ITPR1: variants seen among roughly 807,000 people sequenced by gnomAD.
ITPR1 encodes inositol 1,4,5-trisphosphate-gated calcium channel ITPR1.
ITPR1 carries 96 observed loss-of-function variants against 318.4 expected under a neutral mutation model. That is an observed-to-expected ratio of 0.30 (90% CI 0.26 to 0.36). The LOEUF (loss-of-function observed/expected upper bound fraction) is 0.36, where lower values mean the gene tolerates loss of function less well. ITPR1 is among the 10% of genes least tolerant of loss of function. The pLI, the probability that ITPR1 is intolerant of heterozygous loss-of-function variation, is 1.00. For missense variants in ITPR1, 2,440 were observed against 3,460.2 expected (o/e 0.71, Z 7.40); for synonymous variants, 1,312 against 1,289.9 (o/e 1.02, Z -0.37).
chr3:4,495,931 A>G (rs1231679978), intron 2 of ITPR1, among the ~76,000 whole-genome samples: 1 of 152,194 alleles, frequency 6.6e-6, no homozygotes, highest in Non-Finnish European at 1.5e-5. Context: ...ATGATGAAAT[A>G]ATACATAACA....
At chr3:4,628,920 T>C (rs1038396966) in intron 5 of ITPR1, among the ~76,000 whole-genome samples, 5 of 152,254 alleles carry the variant, frequency 3.3e-5, no homozygotes, top group African/African-American at 1.2e-4. Context: ...GACCAGCGTA[T>C]GGCTAAGTCA....
At chr3:4,681,155 G>A (rs536616196) in intron 25 of ITPR1, among the ~76,000 whole-genome samples, 5 of 152,234 alleles carry the variant, frequency 3.3e-5, no homozygotes, top group South Asian at 2.1e-4. Context: ...TTTACCAGGG[G>A]ACCATGCAGT....
chr3:4,744,962 T>A (rs1475878393), intron 44 of ITPR1, among the ~76,000 whole-genome samples: 1 of 127,002 alleles, frequency 7.9e-6, no homozygotes, highest in Non-Finnish European at 1.6e-5. Flanking sequence ...CCCTCCCTCC[T>A]TCCTTCCTTC....
chr3:4,755,256 C>CACAGGGTG (rs1431180284), intron 44 of ITPR1, among the ~76,000 whole-genome samples: 4 of 150,184 alleles, frequency 2.7e-5, no homozygotes. Flanking sequence ...TTCTGATCCA[C>CACAGGGTG]ACAGGGTGGA....
intron 44 of ITPR1, among the ~76,000 whole-genome samples, chr3:4,741,537 A>G (rs781373911): frequency 1.8e-5 from 2 of 111,974 alleles, no homozygotes; most frequent in African/African-American, 3.5e-5. Context: ...GGCCTTTCCT[A>G]CACCACACTC....
intron 47 of ITPR1, among the ~76,000 whole-genome samples, chr3:4,776,318 C>A (rs1176665879): frequency 6.6e-6 from 1 of 152,200 alleles, no homozygotes; most frequent in East Asian, 1.9e-4. Context: ...GATCCACCCA[C>A]CTCGGCTTGC....
chr3:4,535,611 T>G (rs1240582861), intron 4 of ITPR1, among the ~76,000 whole-genome samples: 1 of 151,026 alleles, frequency 6.6e-6, no homozygotes, highest in Admixed American at 6.6e-5. Context: ...CCCGGCTAAT[T>G]TTTTTTTGTA....
At chr3:4,623,259 C>T (rs547554255) in intron 4 of ITPR1, among the ~76,000 whole-genome samples, 1 of 152,336 alleles carries the variant, frequency 6.6e-6, no homozygotes, top group African/African-American at 2.4e-5. Flanking sequence ...TCACCTGTGG[C>T]CTGTTCTGTC....
chr3:4,516,521 T>C lies in ITPR1; in HGVS notation c.30T>C (p.His10=), dbSNP rs2082180986. The C allele has an allele frequency of 6.3e-7, 1 of 1,598,086 alleles. No individual in the cohort carries two copies. Among genetic ancestry groups the C allele is most frequent in the African/African-American group, 1.3e-5 (1 of 74,120 alleles). ...CTGACAAAATGTCTAGCTTCCTACATATTGGAGACATTTGTTCTCTGTACG... is the reference window on the plus strand; with the variant it reads ...CTGACAAAATGTCTAGCTTCCTACACATTGGAGACATTTGTTCTCTGTACG... MSDKMSSFL[H]IGDICSLYAE... The change falls in exon 3 of 62, where the codon CAT becomes CAC. Residue 10 remains histidine (H), a synonymous_variant. Coordinates refer to ENST00000649015, the MANE Select transcript of ITPR1 (RefSeq NM_001378452.1).
intron 44 of ITPR1, among the ~76,000 whole-genome samples, chr3:4,745,380 G>A (rs1347333832): frequency 6.6e-6 from 1 of 152,100 alleles, no homozygotes; most frequent in Non-Finnish European, 1.5e-5. Context: ...AATTGTATAT[G>A]TAGCCTGAGA....
chr3:4,703,539 A>G (rs2094698039), intron 36 of ITPR1, among the ~76,000 whole-genome samples: 3 of 152,080 alleles, frequency 2.0e-5, no homozygotes, highest in South Asian at 2.1e-4. Context: ...CCCACCCCCT[A>G]TTAATGTTGT....
Position 4,710,778 on chromosome 3 carries a change from C to T in ITPR1, c.4991+305C>T, listed in dbSNP as rs1309742856. On this transcript the variant is annotated intron_variant, in intron 38 of 61. Transcript: ENST00000649015. The surrounding 1 kb of genome is among the most constrained non-coding windows in gnomAD (Gnocchi z 4.2). Reference sequence around the variant, plus strand: ...TGCTGTGGTACAGACATAAAAAAGCCATGATCCCTCAGCCCTCAGAAATCT... The same window carrying T: ...TGCTGTGGTACAGACATAAAAAAGCTATGATCCCTCAGCCCTCAGAAATCT... 6.6e-6 allele frequency among the ~76,000 whole-genome samples: 1 copy of T among 152,178 alleles called. No individual in the cohort carries two copies. Among genetic ancestry groups the T allele is most frequent in the Non-Finnish European group, 1.5e-5 (1 of 68,032 alleles).
At chr3:4,811,540 T>C (rs545979401) in intron 56 of ITPR1, 80 bp downstream of exon 56, 2 of 1,170,084 alleles carry the variant, frequency 1.7e-6, no homozygotes, top group Admixed American at 1.9e-5. Context: ...AATAACGACT[T>C]TAGTAATGCA....
intron 60 of ITPR1, among the ~76,000 whole-genome samples, chr3:4,835,467 A>G (rs2050832258): frequency 6.6e-6 from 1 of 152,232 alleles, no homozygotes; most frequent in Non-Finnish European, 1.5e-5. Context: ...TAGTTGTGAC[A>G]GAGACCAGGT....
chr3:4,831,682 G>C (rs1383036010), intron 60 of ITPR1, among the ~76,000 whole-genome samples: 1 of 152,182 alleles, frequency 6.6e-6, no homozygotes, highest in African/African-American at 2.4e-5. Context: ...TTTTGATCTT[G>C]AATAGATGAT....
At chr3:4,641,909 T>A (rs1433909669) in intron 6 of ITPR1, among the ~76,000 whole-genome samples, 184 bp from the exon 7 acceptor site, 2 of 152,192 alleles carry the variant, frequency 1.3e-5, no homozygotes, top group African/African-American at 4.8e-5. Flanking sequence ...CCTCTCTTTC[T>A]GCTCCCTTTT....
At chr3:4,598,972 G>C (rs1449258361) in intron 4 of ITPR1, among the ~76,000 whole-genome samples, 2 of 151,142 alleles carry the variant, frequency 1.3e-5, no homozygotes, top group Admixed American at 1.3e-4. Flanking sequence ...TCATATTCTA[G>C]GTGTGGTCTA....
At chr3:4,616,908 A>C (rs1268950108) in intron 4 of ITPR1, among the ~76,000 whole-genome samples, 1 of 152,088 alleles carries the variant, frequency 6.6e-6, no homozygotes, top group East Asian at 1.9e-4. Flanking sequence ...CACTGAAGAC[A>C]TGTGAGTGCG....
intron 33 of ITPR1, among the ~76,000 whole-genome samples, 198 bp downstream of exon 33, chr3:4,693,939 G>C (rs1326436620): frequency 1.3e-5 from 2 of 152,228 alleles, no homozygotes; most frequent in Non-Finnish European, 2.9e-5. Flanking sequence ...CACGGAAGAA[G>C]TTAGTCGTTC....
Sources: gnomAD v4.1 joint callset for allele counts (sites outside exome capture counted in the v4.1 genomes callset) on GRCh38, gnomAD v4.1.1 for gene constraint, Gnocchi (gnomAD v3.1) non-coding constraint, MANE v1.5 for transcripts, NCBI Gene and HGNC (gene_info 2026-07-23, HGNC 2026-07-21) for gene names.